Variants in SMC6 observed in about 807,000 individuals in gnomAD.
SMC6 encodes structural maintenance of chromosomes 6.
In SMC6, 79 loss-of-function variants were observed where a neutral mutation model predicts 142.2. The ratio of observed to expected loss-of-function variants is 0.56; its 90% confidence interval spans 0.46 to 0.67. SMC6 has a LOEUF of 0.67. Among genes scored for constraint, SMC6 ranks in the 30% least tolerant of loss-of-function variants. The pLI, the probability that SMC6 is intolerant of heterozygous loss-of-function variation, is 0.00. For missense variants in SMC6, 1,072 were observed against 1,284.0 expected, an observed-to-expected ratio of 0.83 and a Z score of 2.52; for synonymous variants, 411 against 412.4, an observed-to-expected ratio of 1.00 and a Z score of 0.04.
At chr2:17,682,111 G>A (rs1274892323) in intron 24 of SMC6, 9 of 152,108 alleles carry the variant, frequency 5.9e-5, no homozygotes, top group Non-Finnish European at 1.3e-4. Flanking sequence ...TAAAAAACGA[G>A]ACAAAATATA....
At chr2:17,732,159 AGTTTCGGTT>A (rs1263965334) in intron 5 of SMC6, among the ~76,000 whole-genome samples, 9 of 152,188 alleles carry the variant, frequency 5.9e-5, no homozygotes, top group Non-Finnish European at 2.9e-5. Context: ...AAAACCATTA[AGTTTCGGTT>A]GTTTCAAGAC....
At chr2:17,691,280 CAAAAAAGCTAT>C (rs1457512147) in intron 23 of SMC6, among the ~76,000 whole-genome samples, 1 of 137,224 alleles carries the variant, frequency 7.3e-6, no homozygotes, top group Non-Finnish European at 1.6e-5. Flanking sequence ...TATTCAGCTA[CAAAAAAGCTAT>C]AAAAAAGCTG....
intron 2 of SMC6, among the ~76,000 whole-genome samples, chr2:17,748,719 T>C (rs933684332): frequency 6.6e-5 from 10 of 152,222 alleles, no homozygotes; most frequent in Non-Finnish European, 1.5e-4. Context: ...ATTTATTTAT[T>C]ATAGAAGAGC....
Position 17,721,133 on chromosome 2 carries a change from G to A in SMC6, c.846+9C>T. 1 of 1,610,672 alleles carries A rather than the reference G, an allele frequency of 6.2e-7. No individual in the cohort carries two copies. Among genetic ancestry groups the A allele is most frequent in the Non-Finnish European group, 8.5e-7 (1 of 1,178,426 alleles). ...TAGATACGTGAACAAGTAATTAAGT[G>A]ATAATTACCACTGCCCAAGCCATTT... On this transcript the variant is annotated intron_variant, in intron 10 of 27. Transcript: ENST00000448223.
Position 17,716,778 on chromosome 2 carries a change from C to T in SMC6, c.1309G>A (p.Ala437Thr), listed in dbSNP as rs749815827. 8 of 1,613,068 alleles carry T rather than the reference C, an allele frequency of 5.0e-6. No individual in the cohort carries two copies. Among genetic ancestry groups the T allele is most frequent in the Non-Finnish European group, 6.8e-6 (8 of 1,179,654 alleles). Reference protein sequence around the residue: ...VNQEIEQFQQAIEKDKEEHGK... With the variant: ...VNQEIEQFQQTIEKDKEEHGK... Reference sequence around the variant, plus strand: ...TGTTCTTCTTTGTCCTTTTCTATGGCTTGCTGAAACTGTTCGATCTCTTGA... The same window carrying T: ...TGTTCTTCTTTGTCCTTTTCTATGGTTTGCTGAAACTGTTCGATCTCTTGA... Residue 437 changes from alanine (A) to threonine (T), a missense_variant, in exon 14 of 28, where the codon GCC becomes ACC. By Grantham distance (58) the Ala-to-Thr change is moderately conservative. Around this residue, in one of 3 missense-constraint regions of SMC6, gnomAD observed 994 missense variants for 1,153.2 expected, o/e 0.86. Coordinates refer to ENST00000448223, the MANE Select transcript of SMC6 (RefSeq NM_001142286.2).
chr2:17,689,683 C>A lies in SMC6; in HGVS notation c.2678+5469G>T, dbSNP rs370728679. On this transcript the variant is annotated intron_variant, in intron 23 of 27. Coordinates refer to ENST00000448223, the MANE Select transcript of SMC6 (RefSeq NM_001142286.2). ...AGATCCAGGGCCCCCTGGGCAGATA[C>A]CAAAATCCATGAATCCCTTTTATAA... is the stretch of plus-strand genomic sequence containing the variant. Among the ~76,000 whole-genome samples the A allele has an allele frequency of 5.3e-5, 8 of 152,190 alleles. No individual in the cohort carries two copies. In the East Asian group the frequency reaches 1.2e-3, roughly 22 times the overall value.
chr2:17,672,299 A>G (rs1359851534), intron 25 of SMC6, among the ~76,000 whole-genome samples: 1 of 152,234 alleles, frequency 6.6e-6, no homozygotes, highest in Non-Finnish European at 1.5e-5. Flanking sequence ...TGAAGGCCAC[A>G]TAAATTAAAG....
intron 5 of SMC6, among the ~76,000 whole-genome samples, chr2:17,735,431 G>C (rs1429072082): frequency 6.6e-6 from 1 of 152,212 alleles, no homozygotes; most frequent in Non-Finnish European, 1.5e-5. Flanking sequence ...TGATACAACT[G>C]CTCCTTCTCT....
intron 15 of SMC6, 77 bp downstream of exon 15, chr2:17,716,009 A>G (rs1303195014): frequency 3.4e-6 from 4 of 1,191,100 alleles, no homozygotes; most frequent in Non-Finnish European, 3.4e-6. Flanking sequence ...TTTATTTCGA[A>G]AACTTCATTC....
At chr2:17,722,439 T>C (rs1314163743) in intron 9 of SMC6, among the ~76,000 whole-genome samples, 1 of 152,148 alleles carries the variant, frequency 6.6e-6, no homozygotes, top group African/African-American at 2.4e-5. Context: ...TCATCCCTAC[T>C]TGCTCATCTT....
At chr2:17,676,303 A>G (rs1233912335) in intron 25 of SMC6, among the ~76,000 whole-genome samples, 2 of 152,144 alleles carry the variant, frequency 1.3e-5, no homozygotes, top group Non-Finnish European at 2.9e-5. Context: ...ATCATGGTTA[A>G]AAATACTAGT....
At chr2:17,726,579 G>T in intron 7 of SMC6, 110 bp from the exon 8 acceptor site, 3 of 737,218 alleles carry the variant, frequency 4.1e-6, no homozygotes, top group Non-Finnish European at 6.7e-6. Context: ...GGAAGGCCAA[G>T]CAATAGCCAA....
At chr2:17,671,443 AC>A (rs1666754409) in intron 25 of SMC6, among the ~76,000 whole-genome samples, 4 of 150,840 alleles carry the variant, frequency 2.7e-5, no homozygotes, top group Non-Finnish European at 3.0e-5. Context: ...ACACACACAC[AC>A]ACAAAAATAC....
chr2:17,721,464 A>T lies in SMC6; in HGVS notation c.727-203T>A, dbSNP rs138661069. 5.9e-4 allele frequency among the ~76,000 whole-genome samples: 90 copies of T among 152,308 alleles called. No homozygotes were observed. The East Asian group carries it at 0.012, about 21-fold the overall frequency. The stretch of plus-strand genomic sequence containing the variant: ...ATAATTTTGTGAATTTCTGCACTAT[A>T]AAAATGGCCAAATACTCTTCAGATG... On this transcript the variant is annotated intron_variant, in intron 9 of 27. Transcript: ENST00000448223.
chr2:17,751,696 T>C (rs1671048831), intron 2 of SMC6, among the ~76,000 whole-genome samples: 1 of 152,164 alleles, frequency 6.6e-6, no homozygotes. Flanking sequence ...GAATCAAAAA[T>C]GCTAACATTA....
intron 7 of SMC6, among the ~76,000 whole-genome samples, chr2:17,727,115 C>T (rs1401641072): frequency 2.6e-5 from 4 of 152,118 alleles, no homozygotes; most frequent in Non-Finnish European, 5.9e-5. Context: ...CTTTGCCTAA[C>T]GTGATGGTTA....
intron 16 of SMC6, among the ~76,000 whole-genome samples, chr2:17,712,903 C>A (rs1668899270): frequency 6.6e-6 from 1 of 152,228 alleles, no homozygotes; most frequent in African/African-American, 2.4e-5. Flanking sequence ...TTCCACAACT[C>A]CAACAACTTG....
intron 21 of SMC6, among the ~76,000 whole-genome samples, chr2:17,697,467 C>T (rs1360101203): frequency 6.6e-6 from 1 of 151,946 alleles, no homozygotes; most frequent in Non-Finnish European, 1.5e-5. Context: ...ACAGCCAACA[C>T]ATATCCAGAA....
At chr2:17,675,202 A>C (rs1666945683) in intron 25 of SMC6, among the ~76,000 whole-genome samples, 1 of 152,038 alleles carries the variant, frequency 6.6e-6, no homozygotes. Context: ...TGCAATATGT[A>C]TTGCTGATGT....
Sources: gnomAD v4.1 joint callset for allele counts (sites outside exome capture counted in the v4.1 genomes callset) on GRCh38, gnomAD v4.1.1 for gene constraint, gnomAD v4.1.1 regional missense constraint, MANE v1.5 for transcripts, NCBI Gene and HGNC (gene_info 2026-07-23, HGNC 2026-07-21) for gene names.